SLC22A23: variants seen among roughly 807,000 people sequenced by gnomAD.
SLC22A23 encodes the protein ion transporter protein.
In SLC22A23, 26 loss-of-function variants were observed where a neutral mutation model predicts 61.0. The observed-to-expected ratio is 0.43, with a 90% CI of 0.31 to 0.59. The LOEUF (loss-of-function observed/expected upper bound fraction) is 0.59. SLC22A23 is among the 20% of genes least tolerant of loss of function. The pLI is 0.11. For missense variants in SLC22A23, 796 were observed against 934.7 expected (o/e 0.85, Z 1.94); for synonymous variants, 430 against 413.9 (o/e 1.04, Z -0.47).
intron 3 of SLC22A23, among the ~76,000 whole-genome samples, chr6:3,345,406 C>T (rs1212497919): frequency 6.7e-6 from 1 of 149,170 alleles, no homozygotes; most frequent in Admixed American, 6.6e-5. Context: ...GCTCTGTCAC[C>T]CAGGCTGGAG....
rs1762757531 is a variant in SLC22A23 at position 3,318,300 on chromosome 6, G to A, written c.1082+5534C>T. Reference sequence around the variant, plus strand: ...CAGAGTAAAAGATTCACCTGCAAGTGTACTTTTCACACACAAACCAACCCA... The same window carrying A: ...CAGAGTAAAAGATTCACCTGCAAGTATACTTTTCACACACAAACCAACCCA... On this transcript the variant is annotated intron_variant, in intron 4 of 9. Transcript: ENST00000406686. This position sits in a 1 kb window ranked among gnomAD's most constrained non-coding sequence, Gnocchi z 4.3. Among the ~76,000 whole-genome samples, 1 of 152,106 alleles carries A rather than the reference G, an allele frequency of 6.6e-6. No individual in the cohort carries two copies. The highest frequency in any genetic ancestry group is 2.4e-5 in the African/African-American group (1 of 41,408).
chr6:3,360,940 G>A lies in SLC22A23; in HGVS notation c.914-36938C>T, dbSNP rs961595993. Among the ~76,000 whole-genome samples the A allele has an allele frequency of 2.0e-5, 3 of 152,224 alleles. No homozygotes were observed. The highest frequency in any genetic ancestry group is 7.2e-5 in the African/African-American group (3 of 41,454). ...GGTCAGAGCGTGGTACTGGGGTGAC[G>A]AGAGGCGCTAGCGAACATCAGCAGC... On this transcript the variant is annotated intron_variant, in intron 3 of 9. Coordinates refer to ENST00000406686, the MANE Select transcript of SLC22A23 (RefSeq NM_015482.2). This position sits in a 1 kb window ranked among gnomAD's most constrained non-coding sequence, Gnocchi z 4.6.
Position 3,414,188 on chromosome 6 carries a change from C to T in SLC22A23, c.758+1564G>A, listed in dbSNP as rs956205530. Among the ~76,000 whole-genome samples, 8 of 152,060 alleles carry T rather than the reference C, an allele frequency of 5.3e-5. No homozygotes were observed. The highest frequency in any genetic ancestry group is 1.2e-4 in the African/African-American group (5 of 41,342). On this transcript the variant is annotated intron_variant, in intron 2 of 9. Transcript: ENST00000406686. This position sits in a 1 kb window ranked among gnomAD's most constrained non-coding sequence, Gnocchi z 5.1. ...TATTTATTGAATAAGGACACTACAACCCCAGTTGAGTTTGCATTTTTTTAG... is the reference window on the plus strand; with the variant it reads ...TATTTATTGAATAAGGACACTACAATCCCAGTTGAGTTTGCATTTTTTTAG...
In SLC22A23 at chr6:3,333,642, A is replaced by G. The variant is rs56786893; in HGVS notation, c.914-9640T>C. Among the ~76,000 whole-genome samples, 33,391 of 152,126 alleles carry G rather than the reference A, an allele frequency of 0.22. 4,375 individuals carry two copies. Among genetic ancestry groups the G allele is most frequent in the African/African-American group, 0.35 (14,549 of 41,460 alleles). On this transcript the variant is annotated intron_variant, in intron 3 of 9. Transcript: ENST00000406686. This position sits in a 1 kb window ranked among gnomAD's most constrained non-coding sequence, Gnocchi z 4.1. ...CTTGCCCAGAAGCTTTGCCCTGACCATGCTATATAAAATAGTAATCCCTGC... is the reference window on the plus strand; with the variant it reads ...CTTGCCCAGAAGCTTTGCCCTGACCGTGCTATATAAAATAGTAATCCCTGC...
At chr6:3,340,019 T>C (rs1165347566) in intron 3 of SLC22A23, among the ~76,000 whole-genome samples, 3 of 152,100 alleles carry the variant, frequency 2.0e-5, no homozygotes, top group Non-Finnish European at 2.9e-5. Flanking sequence ...TATGTAAACA[T>C]ATGAAATTAA....
chr6:3,316,894 A>T (rs1222401850), intron 4 of SLC22A23, among the ~76,000 whole-genome samples: 1 of 152,146 alleles, frequency 6.6e-6, no homozygotes, highest in Non-Finnish European at 1.5e-5. Flanking sequence ...TGCCTCAGCC[A>T]TGCGCCACCA....
intron 3 of SLC22A23, among the ~76,000 whole-genome samples, chr6:3,377,653 T>A (rs1198210116): frequency 3.0e-5 from 3 of 100,108 alleles, no homozygotes; most frequent in Non-Finnish European, 6.0e-5. Flanking sequence ...ACTGAACGTG[T>A]CTAGGCTGCA....
chr6:3,404,460 T>C (rs1162898641), intron 3 of SLC22A23, among the ~76,000 whole-genome samples: 1 of 152,190 alleles, frequency 6.6e-6, no homozygotes, highest in Non-Finnish European at 1.5e-5. Context: ...GAGAAATGTC[T>C]ATAGAAAGAA....
At chr6:3,284,966 G>A (rs1373804208) in intron 8 of SLC22A23, 113 bp downstream of exon 8, 3 of 1,551,410 alleles carry the variant, frequency 1.9e-6, no homozygotes, top group African/African-American at 1.4e-5. Flanking sequence ...AGTTCTTGGA[G>A]GGCAACGGGG....
intron 1 of SLC22A23, among the ~76,000 whole-genome samples, chr6:3,443,536 G>A (rs147632224): frequency 1.3e-5 from 2 of 152,266 alleles, no homozygotes; most frequent in East Asian, 3.9e-4. Context: ...CTGAGTCTCT[G>A]GGAGGGAAAA....
chr6:3,277,918 G>C (rs1759062283), intron 9 of SLC22A23, among the ~76,000 whole-genome samples: 1 of 152,238 alleles, frequency 6.6e-6, no homozygotes, highest in Non-Finnish European at 1.5e-5. Context: ...TGCTAGCTTT[G>C]ACGAAGCGAG....
rs1012138505 is a variant in SLC22A23 at position 3,414,333 on chromosome 6, T to G, written c.758+1419A>C. Among the ~76,000 whole-genome samples the G allele has an allele frequency of 1.3e-5, 2 of 152,172 alleles. No homozygotes were observed. Among genetic ancestry groups the G allele is most frequent in the African/African-American group, 4.8e-5 (2 of 41,434 alleles). ...ACTAGAAACCTATGAACTCAAGTAT[T>G]TGGTTTAAAAAAATAAACCCTGTGT... is the stretch of plus-strand genomic sequence containing the variant. On this transcript the variant is annotated intron_variant, in intron 2 of 9. Transcript: ENST00000406686. This position sits in a 1 kb window ranked among gnomAD's most constrained non-coding sequence, Gnocchi z 5.1.
At chr6:3,400,995 A>T (rs113970624) in intron 3 of SLC22A23, among the ~76,000 whole-genome samples, 6 of 152,244 alleles carry the variant, frequency 3.9e-5, no homozygotes, top group Non-Finnish European at 7.3e-5. Context: ...ACTCTAAAAA[A>T]CATTGTCTTG....
intron 3 of SLC22A23, among the ~76,000 whole-genome samples, chr6:3,331,349 C>T (rs1170161779): frequency 6.6e-6 from 1 of 152,226 alleles, no homozygotes; most frequent in Admixed American, 6.5e-5. Context: ...CTGACACACA[C>T]CAGAAGCTCA....
intron 4 of SLC22A23, chr6:3,312,831 G>A (rs981894211): frequency 4.6e-5 from 7 of 152,352 alleles, no homozygotes; most frequent in Middle Eastern, 3.2e-3. Context: ...GTGCACACAC[G>A]TGCACATCTG....
chr6:3,364,565 T>C (rs1765682348), intron 3 of SLC22A23, among the ~76,000 whole-genome samples: 1 of 152,112 alleles, frequency 6.6e-6, no homozygotes, highest in Non-Finnish European at 1.5e-5. Flanking sequence ...ACAGGAGGCA[T>C]CTAAATTCAA....
intron 5 of SLC22A23, among the ~76,000 whole-genome samples, chr6:3,294,525 G>C (rs1449129537): frequency 6.6e-6 from 1 of 152,178 alleles, no homozygotes; most frequent in African/African-American, 2.4e-5. Flanking sequence ...CTGGATAAGG[G>C]ATGCTCAGCC....
Position 3,389,051 on chromosome 6 carries a change from C to T in SLC22A23, c.913+21137G>A, listed in dbSNP as rs1354585285. Among the ~76,000 whole-genome samples, 8 of 151,798 alleles carry T rather than the reference C, an allele frequency of 5.3e-5. No homozygotes were observed. The South Asian group carries it at 6.3e-4, about 12-fold the overall frequency. ...GGGAGGCTGCGGCGGGCAGATCACTCGAGGTCAGGAGCTCGAGACCAGCCT... is the reference window on the plus strand; with the variant it reads ...GGGAGGCTGCGGCGGGCAGATCACTTGAGGTCAGGAGCTCGAGACCAGCCT... On this transcript the variant is annotated intron_variant, in intron 3 of 9. Coordinates refer to ENST00000406686, the MANE Select transcript of SLC22A23 (RefSeq NM_015482.2).
chr6:3,313,894 T>A (rs928285876), intron 4 of SLC22A23, among the ~76,000 whole-genome samples: 2 of 152,200 alleles, frequency 1.3e-5, no homozygotes, highest in African/African-American at 4.8e-5. Context: ...CTGGGCATGG[T>A]GGCGCATGCC....
Sources: allele counts gnomAD v4.1 joint callset (sites outside exome capture counted in the v4.1 genomes callset), GRCh38; gene constraint gnomAD v4.1.1; non-coding constraint Gnocchi (gnomAD v3.1); transcripts MANE v1.5; gene names NCBI Gene and HGNC (gene_info 2026-07-23, HGNC 2026-07-21).